Variants in DCHS2 observed in about 807,000 individuals in gnomAD.
DCHS2 encodes dachsous cadherin-related 2.
DCHS2 carries 142 observed loss-of-function variants against 182.4 expected under a neutral mutation model. That is an observed-to-expected ratio of 0.78 (90% CI 0.68 to 0.89). DCHS2 has a LOEUF of 0.89. DCHS2 is among the 40% of genes least tolerant of loss of function. The probability of loss-of-function intolerance (pLI) is 0.00; values close to 1 mark genes in which losing one functional copy is unlikely to be tolerated. For synonymous variants in DCHS2, 1,740 were observed against 1,663.3 expected (o/e 1.05, Z -1.12); for missense variants, 4,319 against 4,198.6 (o/e 1.03, Z -0.79).
At chr4:154,345,546 A>G (rs1729318485) in intron 3 of DCHS2, among the ~76,000 whole-genome samples, 2 of 152,266 alleles carry the variant, frequency 1.3e-5, no homozygotes, top group Non-Finnish European at 2.9e-5. Context: ...GACAAAAACT[A>G]CAAGTCCTAA....
chr4:154,333,274 C>A lies in DCHS2; in HGVS notation c.2934G>T (p.Ala978=). 6.2e-7 allele frequency: 1 copy of A among 1,614,190 alleles called. No homozygotes were observed. Among genetic ancestry groups the A allele is most frequent in the Non-Finnish European group, 8.5e-7 (1 of 1,180,026 alleles). The change falls in exon 5 of 20, where the codon GCG becomes GCT. Residue 978 remains alanine, a synonymous_variant. Transcript: ENST00000357232. Reference sequence around the variant, plus strand: ...TAATCTCATCCGAGGTCCTGAGGAACGCTGGGTGGTTGTCATTGACATCCA... The same window carrying A: ...TAATCTCATCCGAGGTCCTGAGGAAAGCTGGGTGGTTGTCATTGACATCCA... ...TVMDVNDNHP[A]FLRTSDEIRI...
At chr4:154,418,430 T>A (rs1732963829) in intron 1 of DCHS2, among the ~76,000 whole-genome samples, 1 of 152,212 alleles carries the variant, frequency 6.6e-6, no homozygotes, top group Non-Finnish European at 1.5e-5. Flanking sequence ...ATCCACTCAC[T>A]AAGACTCCCT....
chr4:154,395,771 T>G (rs755388446), intron 1 of DCHS2, among the ~76,000 whole-genome samples: 2 of 152,244 alleles, frequency 1.3e-5, no homozygotes, highest in Non-Finnish European at 2.9e-5. Flanking sequence ...TCAAATATCC[T>G]TAGTGGAGAA....
rs531742542 is a variant in DCHS2 at position 154,298,943 on chromosome 4, T to C, written c.5606-235A>G. The C allele has an allele frequency of 5.5e-4, 228 of 417,954 alleles. 1 individual carries two copies. In the East Asian group the frequency reaches 9.5e-3, roughly 17 times the overall value. 25.9% of individuals were successfully genotyped at this position (417,954 alleles called of 1,614,324 possible). A position where few individuals can be genotyped will look rare whatever the true frequency, so the allele number is the denominator to read the frequency against. On this transcript the variant is annotated intron_variant, in intron 12 of 19. Coordinates refer to ENST00000357232, the MANE Select transcript of DCHS2 (RefSeq NM_001358235.2). ...AATAATATGATTCAATGCCTATCTT[T>C]AATCAGTCAATAATTAGAACACTTG...
At chr4:154,410,465 G>A (rs1331302033) in intron 1 of DCHS2, among the ~76,000 whole-genome samples, 6 of 122,632 alleles carry the variant, frequency 4.9e-5, no homozygotes, top group African/African-American at 2.2e-4. Flanking sequence ...AAAATACCCA[G>A]AGGGCAAAAA....
intron 1 of DCHS2, among the ~76,000 whole-genome samples, chr4:154,403,303 T>C (rs986192721): frequency 3.2e-4 from 48 of 152,322 alleles, no homozygotes; most frequent in African/African-American, 1.1e-3. Flanking sequence ...AAATTTTGGG[T>C]AGATGCCCTT....
chr4:154,406,679 A>G (rs1392626643), intron 1 of DCHS2, among the ~76,000 whole-genome samples: 1 of 152,218 alleles, frequency 6.6e-6, no homozygotes, highest in African/African-American at 2.4e-5. Context: ...TCTATTACAC[A>G]GTTTTCTCTC....
chr4:154,316,061 C>T, intron 9 of DCHS2, 74 bp from the exon 10 acceptor site: 2 of 1,565,068 alleles, frequency 1.3e-6, no homozygotes, highest in South Asian at 1.2e-5. Context: ...CCACTTATAT[C>T]TAACTTGTCT....
chr4:154,489,847 A>G lies in DCHS2; in HGVS notation c.1509T>C (p.Asp503=). 1 of 1,548,880 alleles carries G rather than the reference A, an allele frequency of 6.5e-7. No homozygotes were observed. Among genetic ancestry groups the G allele is most frequent in the East Asian group, 2.5e-5 (1 of 40,758 alleles). Residue 503 remains aspartate (D), a synonymous_variant, in exon 1 of 20, where the codon GAT becomes GAC. Coordinates refer to ENST00000357232, the MANE Select transcript of DCHS2 (RefSeq NM_001358235.2). ...VEGPLDRESR[D]LYELLLVATD... is the part of the protein sequence containing the mutation. ...TGGCCACCAGTAGTAACTCATACAG[A>G]TCGCGGCTCTCTCTGTCCAGGGGCC... is the stretch of plus-strand genomic sequence containing the variant.
Position 154,377,241 on chromosome 4 carries a change from A to AT in DCHS2, c.2244+11dup. Reference sequence around the variant, plus strand: ...ATTATGTTTAAAATAAACTTCATACATAAAAACTTACCCCATCCTTAGCTT... The same window carrying AT: ...ATTATGTTTAAAATAAACTTCATACATTAAAAACTTACCCCATCCTTAGCTT... On this transcript the variant is annotated intron_variant, in intron 2 of 19. Coordinates refer to ENST00000357232, the MANE Select transcript of DCHS2 (RefSeq NM_001358235.2). The AT allele has an allele frequency of 6.2e-7, 1 of 1,611,500 alleles. No homozygotes were observed. The highest frequency in any genetic ancestry group is 8.5e-7 in the Non-Finnish European group (1 of 1,178,788).
At chr4:154,422,757 G>T (rs1199277771) in intron 1 of DCHS2, among the ~76,000 whole-genome samples, 1 of 152,144 alleles carries the variant, frequency 6.6e-6, no homozygotes, top group East Asian at 1.9e-4. Flanking sequence ...TAGCCTGTCA[G>T]GTCTTCAGAT....
intron 14 of DCHS2, among the ~76,000 whole-genome samples, chr4:154,267,384 T>A (rs745689056): frequency 1.3e-5 from 2 of 152,130 alleles, no homozygotes; most frequent in Non-Finnish European, 2.9e-5. Flanking sequence ...AGGTGCATTG[T>A]CTAATATTAA....
chr4:154,339,865 T>C (rs1728983220), intron 3 of DCHS2, among the ~76,000 whole-genome samples: 1 of 152,196 alleles, frequency 6.6e-6, no homozygotes. Flanking sequence ...CACTAATACA[T>C]ATACGATGTG....
chr4:154,335,421 T>C (rs988695398), intron 3 of DCHS2, among the ~76,000 whole-genome samples: 1 of 152,324 alleles, frequency 6.6e-6, no homozygotes, highest in South Asian at 2.1e-4. Context: ...GCTCCCAACC[T>C]GGGGCACTGG....
At chr4:154,439,502 A>T (rs1733912565) in intron 1 of DCHS2, among the ~76,000 whole-genome samples, 1 of 152,188 alleles carries the variant, frequency 6.6e-6, no homozygotes, top group Non-Finnish European at 1.5e-5. Context: ...TGCATTGGCT[A>T]TATCAATATT....
intron 13 of DCHS2, among the ~76,000 whole-genome samples, chr4:154,291,073 G>A (rs1417222382): frequency 6.6e-6 from 1 of 152,024 alleles, no homozygotes; most frequent in Non-Finnish European, 1.5e-5. Flanking sequence ...TGTGTAAGAA[G>A]CTCAAATAAC....
chr4:154,335,264 T>C (rs1215395404), intron 3 of DCHS2, 160 bp from the exon 4 acceptor site: 5 of 620,420 alleles, frequency 8.1e-6, no homozygotes, highest in Non-Finnish European at 1.4e-5. Flanking sequence ...ATTTTGAGTG[T>C]GTCTGTGAGG....
At chr4:154,300,842 A>T (rs1338346072) in intron 12 of DCHS2, among the ~76,000 whole-genome samples, 1 of 152,350 alleles carries the variant, frequency 6.6e-6, no homozygotes, top group Middle Eastern at 3.4e-3. Flanking sequence ...AGGAGAAAAA[A>T]TAAGTTATGG....
intron 1 of DCHS2, among the ~76,000 whole-genome samples, chr4:154,457,937 G>T (rs1215910569): frequency 1.3e-5 from 2 of 152,082 alleles, no homozygotes; most frequent in Admixed American, 6.6e-5. Flanking sequence ...CTCTACTATT[G>T]TAATTACATC....
Sources: allele counts gnomAD v4.1 joint callset (sites outside exome capture counted in the v4.1 genomes callset), GRCh38; gene constraint gnomAD v4.1.1; transcripts MANE v1.5; gene names NCBI Gene and HGNC (gene_info 2026-07-23, HGNC 2026-07-21).